The following ABLIM1 variants were observed in gnomAD, a reference collection of about 807,000 sequenced individuals.
The protein encoded by ABLIM1 is actin binding LIM protein 1.
In ABLIM1, 40 loss-of-function variants were observed where a neutral mutation model predicts 107.0. The observed-to-expected ratio is 0.37, with a 90% confidence interval of 0.29 to 0.49. ABLIM1 has a LOEUF of 0.49. Among genes scored for constraint, ABLIM1 ranks in the 20% least tolerant of loss-of-function variants. The pLI is 0.97. For synonymous variants in ABLIM1, 357 were observed against 357.3 expected, an observed-to-expected ratio of 1.00 and a Z score of 0.01; for missense variants, 857 against 1,008.5, an observed-to-expected ratio of 0.85 and a Z score of 2.04.
intron 1 of ABLIM1, among the ~76,000 whole-genome samples, chr10:114,701,193 C>A (rs552603423): frequency 2.0e-4 from 30 of 152,244 alleles, no homozygotes; most frequent in African/African-American, 7.2e-4. Flanking sequence ...AAAAAGTTCT[C>A]AAATAATTAG....
chr10:114,579,192 CA>C (rs1445186453), intron 2 of ABLIM1, among the ~76,000 whole-genome samples: 6 of 151,748 alleles, frequency 4.0e-5, no homozygotes, highest in African/African-American at 1.5e-4. Flanking sequence ...TTTTTTTTAA[CA>C]ACATTTGTAT....
chr10:114,489,519 C>CA (rs1323461948), intron 7 of ABLIM1, among the ~76,000 whole-genome samples: 2 of 152,048 alleles, frequency 1.3e-5, no homozygotes, highest in African/African-American at 4.8e-5. Context: ...CCAAAATAAA[C>CA]AAACAAAAAA....
At chr10:114,678,483 T>C (rs533284542) in intron 1 of ABLIM1, among the ~76,000 whole-genome samples, 1 of 152,350 alleles carries the variant, frequency 6.6e-6, no homozygotes, top group South Asian at 2.1e-4. Context: ...TCTAGGGCAG[T>C]GGTCTGTAAA....
In ABLIM1 at chr10:114,437,903, T is replaced by C. The variant is rs778359236; in HGVS notation, c.2164A>G (p.Met722Val). ...EPKIFPYEML[M>V]VTNRGRNKIL... The stretch of plus-strand genomic sequence containing the variant: ...TTGTTTCGCCCTCTGTTGGTCACCA[T>C]GAGCATTTCATATGGAAATATCTGA... The change falls in exon 22 of 23, where the codon ATG becomes GTG. Residue 722 changes from methionine to valine, a missense_variant. Met to Val is a conservative substitution (Grantham distance 21). Around this residue, in one of 5 missense-constraint regions of ABLIM1, gnomAD observed 193 missense variants for 208.5 expected, o/e 0.93. Coordinates refer to ENST00000533213, the MANE Select transcript of ABLIM1 (RefSeq NM_002313.7). The C allele has an allele frequency of 1.2e-6, 2 of 1,613,980 alleles. No individual in the cohort carries two copies. Among genetic ancestry groups the C allele is most frequent in the East Asian group, 2.2e-5 (1 of 44,888 alleles).
intron 1 of ABLIM1, among the ~76,000 whole-genome samples, chr10:114,750,312 G>A (rs755799191): frequency 9.9e-5 from 15 of 152,186 alleles, no homozygotes; most frequent in Non-Finnish European, 1.5e-4. Flanking sequence ...CAGTTAACTT[G>A]ACTGAATCGT....
At chr10:114,758,303 T>G (rs143120938) in intron 1 of ABLIM1, among the ~76,000 whole-genome samples, 3,806 of 152,302 alleles carry the variant, frequency 0.025, 74 homozygotes, top group Middle Eastern at 0.048. Flanking sequence ...ACTACAATTC[T>G]ACAGTTTATA....
intron 12 of ABLIM1, chr10:114,463,173 C>T (rs767237235): frequency 1.1e-5 from 14 of 1,268,056 alleles, no homozygotes; most frequent in Non-Finnish European, 1.4e-5. Context: ...CTCTGTGCAG[C>T]AAGGAGTCAG....
At chr10:114,449,276 T>C (rs1418553711) in intron 14 of ABLIM1, among the ~76,000 whole-genome samples, 1 of 152,234 alleles carries the variant, frequency 6.6e-6, no homozygotes, top group Non-Finnish European at 1.5e-5. Context: ...ACTAAATATT[T>C]CAAAATGTAT....
rs576386287 is a variant in ABLIM1 at position 114,729,309 on chromosome 10, C to T, written c.-213+38752G>A. Among the ~76,000 whole-genome samples the T allele has an allele frequency of 7.9e-5, 12 of 152,242 alleles. No homozygotes were observed. The South Asian group carries it at 2.1e-3, about 26-fold the overall frequency. On this transcript the variant is annotated intron_variant, in intron 1 of 15. Transcript: ENST00000651092. Reference sequence around the variant, plus strand: ...GCTCCAAAACATGCTGGCCCTTCCACTCAGCCTGGCAGCACCACCCTGTTC... The same window carrying T: ...GCTCCAAAACATGCTGGCCCTTCCATTCAGCCTGGCAGCACCACCCTGTTC...
At position 114,678,332 on chromosome 10, in the gene ABLIM1, T is replaced by C. The variant is rs141632087; in HGVS notation, c.64+5958A>G. Among the ~76,000 whole-genome samples the C allele has an allele frequency of 3.4e-3, 521 of 152,372 alleles. 4 individuals carry two copies. The highest frequency in any genetic ancestry group is 0.012 in the African/African-American group (503 of 41,592). ...CTACATTAACCTGTTGGCAAATTTA[T>C]TGAACAATCATATAATTGTTTTCTG... On this transcript the variant is annotated intron_variant, in intron 1 of 23. Coordinates refer to the ABLIM1 transcript ENST00000369256.
intron 1 of ABLIM1, among the ~76,000 whole-genome samples, chr10:114,641,446 T>C (rs1315446774): frequency 6.6e-6 from 1 of 152,168 alleles, no homozygotes; most frequent in Non-Finnish European, 1.5e-5. Flanking sequence ...GAAGGAGCTA[T>C]GTCCTAGTTG....
At chr10:114,779,672 T>G in the ABLIM1 span, 5 of 152,246 alleles carry the variant, frequency 3.3e-5, no homozygotes, top group Admixed American at 6.5e-5. Flanking sequence ...TCTTTTCATA[T>G]CGATGCATAT....
intron 1 of ABLIM1, among the ~76,000 whole-genome samples, chr10:114,761,262 T>G (rs2082738550): frequency 1.2e-5 from 1 of 86,430 alleles, no homozygotes; most frequent in Non-Finnish European, 2.8e-5. Context: ...GCTCAAGAAA[T>G]CGGCAAAAAA....
rs2059152860 is a variant in ABLIM1 at position 114,434,290 on chromosome 10, CACACACA to C, written c.*1963_*1969del. ...CATGTTAGTAGATCCAACACACACACACACACACACACACACACACACACACACACAC... is the reference window on the plus strand; with the variant it reads ...CATGTTAGTAGATCCAACACACACACCACACACACACACACACACACACAC... On this transcript the variant is annotated 3_prime_UTR_variant, in exon 23 of 23. Coordinates refer to ENST00000533213, the MANE Select transcript of ABLIM1 (RefSeq NM_002313.7). 1.3e-5 allele frequency: 1 copy of C among 78,478 alleles called. No individual in the cohort carries two copies. Among genetic ancestry groups the C allele is most frequent in the Non-Finnish European group, 2.9e-5 (1 of 34,190 alleles). The allele number at this position is 78,478 out of a possible 1,614,324, so 4.9% of individuals were successfully genotyped here.
chr10:114,440,789 A>G (rs2060078844), intron 19 of ABLIM1: 1 of 640,126 alleles, frequency 1.6e-6, no homozygotes. Flanking sequence ...TGCTCAGCAC[A>G]TAGTATGAGC....
At chr10:114,689,182 C>T (rs1439153592), upstream of ABLIM1, among the ~76,000 whole-genome samples, 2 of 152,072 alleles carry the variant, frequency 1.3e-5, no homozygotes, top group East Asian at 1.9e-4. Context: ...CAGCATGTGC[C>T]AGACCAGGAA....
intron 1 of ABLIM1, among the ~76,000 whole-genome samples, chr10:114,621,401 T>A (rs575693789): frequency 2.0e-5 from 3 of 152,100 alleles, no homozygotes; most frequent in Non-Finnish European, 2.9e-5. Context: ...CTAAAAAAAA[T>A]TTCCCAAATA....
At chr10:114,567,861 T>G (rs537967378) in intron 4 of ABLIM1, among the ~76,000 whole-genome samples, 14 of 152,320 alleles carry the variant, frequency 9.2e-5, no homozygotes, top group African/African-American at 3.1e-4. Flanking sequence ...TCACCAACTC[T>G]GTGAACATTA....
intron 2 of ABLIM1, among the ~76,000 whole-genome samples, chr10:114,575,928 A>G (rs1317523032): frequency 6.6e-6 from 1 of 152,148 alleles, no homozygotes; most frequent in East Asian, 1.9e-4. Context: ...GCAGTGTGCT[A>G]TTTAGGAAAG....
Sources: gnomAD v4.1 joint callset for allele counts (sites outside exome capture counted in the v4.1 genomes callset) on GRCh38, gnomAD v4.1.1 for gene constraint, gnomAD v4.1.1 regional missense constraint, MANE v1.5 for transcripts, NCBI Gene and HGNC (gene_info 2026-07-23, HGNC 2026-07-21) for gene names.